ZNF627: variants seen among roughly 807,000 people sequenced by gnomAD.
The protein encoded by ZNF627 is zinc finger protein 627.
A neutral mutation model predicts 10.6 loss-of-function variants in ZNF627; 12 were observed. The observed-to-expected ratio is 1.13, with a 90% CI of 0.73 to 1.84. The LOEUF is 1.84. Among genes scored for constraint, ZNF627 ranks in the 40% most tolerant of loss-of-function variants. The probability of loss-of-function intolerance (pLI) is 0.00; values close to 1 mark genes in which losing one functional copy is unlikely to be tolerated. For missense variants in ZNF627, 504 were observed against 568.4 expected, an observed-to-expected ratio of 0.89 and a Z score of 1.15; for synonymous variants, 176 against 187.1, an observed-to-expected ratio of 0.94 and a Z score of 0.48.
chr19:11,610,633 G>C (rs1189954523), intron 1 of ZNF627, among the ~76,000 whole-genome samples: 2 of 152,030 alleles, frequency 1.3e-5, no homozygotes, highest in African/African-American at 4.8e-5. Context: ...TGTAACTGCT[G>C]CTAATTAGAG....
At chr19:11,603,968 T>C (rs1034415086) in intron 1 of ZNF627, among the ~76,000 whole-genome samples, 1 of 151,206 alleles carries the variant, frequency 6.6e-6, no homozygotes, top group African/African-American at 2.4e-5. Flanking sequence ...CCACCACATC[T>C]GGCTAATTTT....
At chr19:11,616,655 A>C (rs939264541) in intron 3 of ZNF627, 40 bp from the exon 4 acceptor site, 4 of 1,340,214 alleles carry the variant, frequency 3.0e-6, no homozygotes, top group Non-Finnish European at 4.1e-6. Flanking sequence ...ATCATTTATA[A>C]ACAAAACATT....
chr19:11,603,026 A>G (rs989359468), intron 1 of ZNF627, among the ~76,000 whole-genome samples: 1 of 152,144 alleles, frequency 6.6e-6, no homozygotes, highest in African/African-American at 2.4e-5. Context: ...TTTACCATCT[A>G]TTTATCATTA....
rs150752311 is a variant in ZNF627 at position 11,605,741 on chromosome 19, C to T, written c.3+8111C>T. Among the ~76,000 whole-genome samples, 323 of 152,210 alleles carry T rather than the reference C, an allele frequency of 2.1e-3. 2 individuals are homozygous for T. Among genetic ancestry groups the T allele is most frequent in the African/African-American group, 7.3e-3 (302 of 41,524 alleles). On this transcript the variant is annotated intron_variant, in intron 1 of 3. Coordinates refer to ENST00000361113, the MANE Select transcript of ZNF627 (RefSeq NM_145295.4). ...GGGACACAGCCAAACCATATCATTC[C>T]ACCCCCAGCCCCTCCCAAATCTCAT... is the stretch of plus-strand genomic sequence containing the variant.
chr19:11,613,459 TG>T (rs1413188765), intron 1 of ZNF627, among the ~76,000 whole-genome samples: 1 of 151,406 alleles, frequency 6.6e-6, no homozygotes, highest in Non-Finnish European at 1.5e-5. Context: ...CACACATTTC[TG>T]GGGGCCCCCT....
At chr19:11,599,421 C>A (rs376479557) in intron 1 of ZNF627, among the ~76,000 whole-genome samples, 1 of 152,180 alleles carries the variant, frequency 6.6e-6, no homozygotes. Context: ...CCTCTGGATT[C>A]TTTTAGACTG....
At chr19:11,609,190 G>T (rs1349311971) in intron 1 of ZNF627, among the ~76,000 whole-genome samples, 1 of 151,712 alleles carries the variant, frequency 6.6e-6, no homozygotes, top group Non-Finnish European at 1.5e-5. Flanking sequence ...TATTAATTGT[G>T]GCTATAAAAA....
Position 11,617,890 on chromosome 19 carries a change from G to A in ZNF627, c.*1G>A, listed in dbSNP as rs1474102079. The A allele has an allele frequency of 6.6e-7, 1 of 1,524,516 alleles. No homozygotes were observed. Among genetic ancestry groups the A allele is most frequent in the Non-Finnish European group, 8.7e-7 (1 of 1,146,466 alleles). The allele number at this position is 1,524,516 out of a possible 1,614,324, so 94.4% of individuals were successfully genotyped here. On this transcript the variant is annotated 3_prime_UTR_variant, in exon 4 of 4. Coordinates refer to ENST00000361113, the MANE Select transcript of ZNF627 (RefSeq NM_145295.4). Reference sequence around the variant, plus strand: ...TTCAGTTGTCCCAGTTCTTTCATGAGCATGAAAGGAGTCACATAGAGAAAC... The same window carrying A: ...TTCAGTTGTCCCAGTTCTTTCATGAACATGAAAGGAGTCACATAGAGAAAC...
intron 1 of ZNF627, 141 bp downstream of exon 1, chr19:11,597,771 C>A: frequency 1.1e-6 from 1 of 933,538 alleles, no homozygotes; most frequent in Non-Finnish European, 1.4e-6. Context: ...CAAGGTGGGG[C>A]TGGGCCAGGA....
chr19:11,603,831 G>A (rs781031498), intron 1 of ZNF627, among the ~76,000 whole-genome samples: 4 of 151,368 alleles, frequency 2.6e-5, no homozygotes, highest in African/African-American at 7.3e-5. Context: ...TTTAAGAGAC[G>A]AAGTCTTGCT....
chr19:11,618,071 T>G lies in ZNF627; in HGVS notation c.*182T>G. ...AGTAAAACCTAGAGTTGGAGTTGGATCTCTGGATTGTGTTATGTCAGTGTT... is the reference window on the plus strand; with the variant it reads ...AGTAAAACCTAGAGTTGGAGTTGGAGCTCTGGATTGTGTTATGTCAGTGTT... On this transcript the variant is annotated 3_prime_UTR_variant, in exon 4 of 4. Transcript: ENST00000361113. The G allele has an allele frequency of 1.9e-6, 1 of 524,630 alleles. No individual in the cohort carries two copies. Among genetic ancestry groups the G allele is most frequent in the East Asian group, 3.1e-5 (1 of 32,484 alleles). 32.5% of individuals were successfully genotyped at this position (524,630 alleles called of 1,614,324 possible).
At chr19:11,597,729 T>TC (rs1819832556) in intron 1 of ZNF627, 99 bp downstream of exon 1, 1 of 1,248,922 alleles carries the variant, frequency 8.0e-7, no homozygotes, top group Non-Finnish European at 1.0e-6. Context: ...CTGCGGCGAC[T>TC]CCGGGGTCTG....
chr19:11,607,318 T>G (rs566268403), intron 1 of ZNF627, among the ~76,000 whole-genome samples: 3 of 152,032 alleles, frequency 2.0e-5, no homozygotes, highest in Non-Finnish European at 4.4e-5. Flanking sequence ...ATATATTTAG[T>G]AGAGAAGGGG....
intron 1 of ZNF627, among the ~76,000 whole-genome samples, chr19:11,610,864 C>T (rs545704772): frequency 5.3e-5 from 8 of 152,108 alleles, no homozygotes; most frequent in African/African-American, 1.9e-4. Context: ...TATTTTCTTT[C>T]TTTTTTGAGA....
At chr19:11,608,497 C>T (rs1485928347) in intron 1 of ZNF627, among the ~76,000 whole-genome samples, 1 of 152,048 alleles carries the variant, frequency 6.6e-6, no homozygotes, top group Admixed American at 6.6e-5. Context: ...AAAGATTTAT[C>T]TTTTTGTCAG....
In ZNF627 at chr19:11,617,428, T is replaced by G; in HGVS notation, c.925T>G (p.Cys309Gly). Residue 309 changes from cysteine to glycine, a missense_variant, in exon 4 of 4, where the codon TGT (cysteine) becomes GGT (glycine). Physicochemically the swap from Cys to Gly is radical, Grantham distance 159. Transcript: ENST00000361113. ...RTHTGEKLFE[C>G]KECGKALTCL... The stretch of plus-strand genomic sequence containing the variant: ...TCACACCGGAGAGAAACTTTTTGAA[T>G]GTAAGGAATGCGGGAAGGCTTTGAC... 6.2e-7 allele frequency: 1 copy of G among 1,613,988 alleles called. No homozygotes were observed. The highest frequency in any genetic ancestry group is 8.5e-7 in the Non-Finnish European group (1 of 1,180,028).
At chr19:11,614,748 G>A in intron 2 of ZNF627, 79 bp from the exon 3 acceptor site, 1 of 1,598,762 alleles carries the variant, frequency 6.3e-7, no homozygotes. Context: ...TGGGTACAGG[G>A]AATTATGAAT....
intron 1 of ZNF627, among the ~76,000 whole-genome samples, chr19:11,598,080 G>A (rs1045502394): frequency 6.6e-6 from 1 of 152,234 alleles, no homozygotes; most frequent in Admixed American, 6.5e-5. Context: ...GGTGCAGGAG[G>A]AAGCGAACCA....
Position 11,609,522 on chromosome 19 carries a change from T to A in ZNF627, c.4-5005T>A, listed in dbSNP as rs1973735430. Among the ~76,000 whole-genome samples, 4 of 116,486 alleles carry A rather than the reference T, an allele frequency of 3.4e-5. No homozygotes were observed. In the South Asian group the frequency reaches 1.4e-3, roughly 40 times the overall value. The allele number at this position is 116,486 out of a possible 152,430, so 76.4% of individuals were successfully genotyped here. A position where few individuals can be genotyped will look rare whatever the true frequency, so the allele number is the denominator to read the frequency against. On this transcript the variant is annotated intron_variant, in intron 1 of 3. Transcript: ENST00000361113. ...ATATATATATATATATATATATGTA[T>A]TTTTTCCCCCCCGAGACTGAGTCTT...
Sources: allele counts gnomAD v4.1 joint callset (sites outside exome capture counted in the v4.1 genomes callset), GRCh38; gene constraint gnomAD v4.1.1; transcripts MANE v1.5; gene names NCBI Gene and HGNC (gene_info 2026-07-23, HGNC 2026-07-21).